The following SMYD3 variants were observed in gnomAD, a reference collection of about 807,000 sequenced individuals.
SMYD3 encodes the protein histone-lysine N-methyltransferase SMYD3.
A neutral mutation model predicts 57.7 loss-of-function variants in SMYD3; 36 were observed. The ratio of observed to expected loss-of-function variants is 0.62; its 90% CI spans 0.48 to 0.82. The LOEUF (loss-of-function observed/expected upper bound fraction) is 0.82, where lower values mean the gene tolerates loss of function less well. Ranked by LOEUF, SMYD3 falls within the 40% of genes least tolerant of loss-of-function variation. The probability of loss-of-function intolerance (pLI) is 0.00; values close to 1 mark genes in which losing one functional copy is unlikely to be tolerated. For synonymous variants in SMYD3, 211 were observed against 195.0 expected, an observed-to-expected ratio of 1.08 and a Z score of -0.68; for missense variants, 515 against 538.8, an observed-to-expected ratio of 0.96 and a Z score of 0.44.
chr1:246,344,929 A>G (rs1274867143), intron 2 of SMYD3, among the ~76,000 whole-genome samples: 1 of 152,186 alleles, frequency 6.6e-6, no homozygotes, highest in Non-Finnish European at 1.5e-5. Flanking sequence ...TATTCTTTAT[A>G]AATTCTGGAA....
chr1:245,974,269 A>T (rs1259340414), intron 5 of SMYD3, among the ~76,000 whole-genome samples: 2 of 152,208 alleles, frequency 1.3e-5, no homozygotes, highest in Non-Finnish European at 2.9e-5. Context: ...TACTCCTTAG[A>T]TGGGAAGATT....
At chr1:246,174,085 C>CCTGT (rs2062391784) in intron 5 of SMYD3, among the ~76,000 whole-genome samples, 2 of 152,172 alleles carry the variant, frequency 1.3e-5, no homozygotes, top group South Asian at 4.1e-4. Flanking sequence ...GCTGGGACTA[C>CCTGT]AGGCATGAGC....
chr1:246,225,505 A>G (rs1327454261), intron 5 of SMYD3, among the ~76,000 whole-genome samples: 2 of 152,100 alleles, frequency 1.3e-5, no homozygotes, highest in Admixed American at 6.6e-5. Context: ...AGAGACAATA[A>G]CTACATAGCA....
rs567315730 is a variant in SMYD3, at chr1:245,808,923, T to G, written c.1077-44774A>C. 1.6e-4 allele frequency among the ~76,000 whole-genome samples: 25 copies of G among 152,146 alleles called. 1 individual carries two copies. Among genetic ancestry groups the G allele is most frequent in the Middle Eastern group, 3.4e-3 (1 of 294 alleles). ...GATTACAGGCATGCACCACCACACC[T>G]GGCTAATGTTTGTATTTTTAGAAGA... On this transcript the variant is annotated intron_variant, in intron 10 of 11. Transcript: ENST00000490107.
chr1:246,397,747 T>TC (rs1404294985), intron 1 of SMYD3, among the ~76,000 whole-genome samples: 1 of 151,826 alleles, frequency 6.6e-6, no homozygotes, highest in African/African-American at 2.4e-5. Flanking sequence ...CAAATCAGCC[T>TC]CCCCACAAGC....
intron 8 of SMYD3, among the ~76,000 whole-genome samples, chr1:245,893,462 T>C (rs1207519418): frequency 6.6e-6 from 1 of 151,608 alleles, no homozygotes; most frequent in East Asian, 1.9e-4. Flanking sequence ...ACAACTCAAA[T>C]ATCCTTCACT....
intron 5 of SMYD3, among the ~76,000 whole-genome samples, chr1:246,040,260 G>A (rs113736983): frequency 2.0e-5 from 3 of 152,260 alleles, no homozygotes; most frequent in Admixed American, 1.3e-4. Context: ...ATGTAGCTCC[G>A]GAGGGGTTCA....
intron 5 of SMYD3, among the ~76,000 whole-genome samples, chr1:246,104,246 A>G (rs1026240442): frequency 8.5e-5 from 13 of 152,252 alleles, no homozygotes; most frequent in African/African-American, 3.1e-4. Context: ...ACCCACTTGT[A>G]AGAGCGAATA....
intron 5 of SMYD3, among the ~76,000 whole-genome samples, chr1:246,036,146 A>C (rs1169151908): frequency 3.4e-4 from 51 of 152,228 alleles, no homozygotes; most frequent in Non-Finnish European, 7.3e-5. Flanking sequence ...GTTGAAGAGG[A>C]GACAGGGCTT....
intron 11 of SMYD3, among the ~76,000 whole-genome samples, chr1:245,757,640 T>C (rs141179313): frequency 6.8e-4 from 104 of 152,280 alleles, no homozygotes; most frequent in African/African-American, 2.4e-3. Context: ...TTCTTTTGCA[T>C]GTGGATATGC....
At chr1:246,472,392 TTAGA>T (rs767756484) in intron 1 of SMYD3, among the ~76,000 whole-genome samples, 25 of 152,206 alleles carry the variant, frequency 1.6e-4, no homozygotes, top group Non-Finnish European at 2.9e-4. Flanking sequence ...ACCTGCTAGA[TTAGA>T]ATTTTATTTT....
intron 1 of SMYD3, among the ~76,000 whole-genome samples, chr1:246,492,394 G>T (rs531975379): frequency 1.5e-4 from 23 of 152,278 alleles, no homozygotes; most frequent in South Asian, 6.2e-4. Flanking sequence ...GTATCTCAGA[G>T]AACGCCGATG....
rs539861065 is a variant in SMYD3, at chr1:245,823,316, C to T, written c.1076+35180G>A. On this transcript the variant is annotated intron_variant, in intron 10 of 11. Coordinates refer to ENST00000490107, the MANE Select transcript of SMYD3 (RefSeq NM_001167740.2). ...GCTTTCTTGCTCTCTGCCACACGTG[C>T]GTGTGCACACACACACGCGCGCTCG... 3.6e-5 allele frequency among the ~76,000 whole-genome samples: 5 copies of T among 139,622 alleles called. No homozygotes were observed. The South Asian group carries it at 7.6e-4, about 21-fold the overall frequency. The allele number at this position is 139,622 out of a possible 152,430, so 91.6% of individuals were successfully genotyped here. A position where few individuals can be genotyped will look rare whatever the true frequency, so the allele number is the denominator to read the frequency against.
intron 5 of SMYD3, among the ~76,000 whole-genome samples, chr1:246,165,374 T>G (rs2062190342): frequency 6.6e-6 from 1 of 152,124 alleles, no homozygotes; most frequent in African/African-American, 2.4e-5. Flanking sequence ...TCTTCCTTCC[T>G]AAGAGGAAGA....
chr1:246,223,306 C>T (rs2063283445), intron 5 of SMYD3, among the ~76,000 whole-genome samples: 1 of 152,108 alleles, frequency 6.6e-6, no homozygotes, highest in Non-Finnish European at 1.5e-5. Flanking sequence ...AGAATGCTAA[C>T]AGGACTTGCT....
intron 10 of SMYD3, among the ~76,000 whole-genome samples, chr1:245,788,565 T>C (rs1277689717): frequency 6.6e-6 from 1 of 152,178 alleles, no homozygotes; most frequent in Non-Finnish European, 1.5e-5. Context: ...ACCTTAAAGA[T>C]GATGAAATAG....
intron 5 of SMYD3, chr1:246,326,845 T>C (rs1034366952): frequency 6.3e-6 from 2 of 315,804 alleles, no homozygotes; most frequent in South Asian, 4.8e-5. Flanking sequence ...ACAACCACCA[T>C]AAAACTCAAT....
At chr1:245,940,221 T>C (rs2057172320) in intron 5 of SMYD3, among the ~76,000 whole-genome samples, 1 of 151,914 alleles carries the variant, frequency 6.6e-6, no homozygotes, top group Non-Finnish European at 1.5e-5. Flanking sequence ...CTCTGAAGAG[T>C]CCATGCAGTC....
intron 5 of SMYD3, among the ~76,000 whole-genome samples, chr1:245,939,863 A>G (rs1215086970): frequency 6.6e-6 from 1 of 152,146 alleles, no homozygotes; most frequent in Non-Finnish European, 1.5e-5. Context: ...TGGTCCCTTA[A>G]GAACGGTTCG....
Sources: allele counts gnomAD v4.1 joint callset (sites outside exome capture counted in the v4.1 genomes callset), GRCh38; gene constraint gnomAD v4.1.1; transcripts MANE v1.5; gene names NCBI Gene and HGNC (gene_info 2026-07-23, HGNC 2026-07-21).